Variants in ZNF664 observed in about 807,000 individuals in gnomAD.
The protein encoded by ZNF664 is zinc finger Organ of Corti 1.
Under a neutral mutation model 18.2 loss-of-function variants are expected in ZNF664, and 10 were observed. The ratio of observed to expected loss-of-function variants is 0.55; its 90% CI spans 0.34 to 0.93. ZNF664 has a LOEUF of 0.93. Ranked by LOEUF, ZNF664 falls within the 40% of genes least tolerant of loss-of-function variation. The pLI, the probability that ZNF664 is intolerant of heterozygous loss-of-function variation, is 0.02. For missense variants in ZNF664, 193 were observed against 319.0 expected (o/e 0.61, Z 3.01); for synonymous variants, 119 against 104.2 (o/e 1.14, Z -0.86).
chr12:123,977,640 G>T (rs1409882905), intron 2 of ZNF664, among the ~76,000 whole-genome samples: 1 of 152,092 alleles, frequency 6.6e-6, no homozygotes, highest in Non-Finnish European at 1.5e-5. Context: ...CATCTTCCGG[G>T]CTGTGATGTC....
At chr12:124,011,338 A>G in intron 3 of ZNF664, 43 bp from the exon 4 acceptor site, 1 of 943,476 alleles carries the variant, frequency 1.1e-6, no homozygotes, top group Non-Finnish European at 1.3e-6. Context: ...TATATACTTG[A>G]GCTGTAAACA....
At chr12:124,000,980 A>G (rs1957004878) in intron 3 of ZNF664, among the ~76,000 whole-genome samples, 1 of 152,208 alleles carries the variant, frequency 6.6e-6, no homozygotes, top group Non-Finnish European at 1.5e-5. Context: ...TGTCCTTGAC[A>G]TCGACTTTTG....
At chr12:124,005,100 T>C (rs1002998536) in intron 3 of ZNF664, among the ~76,000 whole-genome samples, 4 of 152,156 alleles carry the variant, frequency 2.6e-5, no homozygotes, top group Non-Finnish European at 4.4e-5. Context: ...GCCAAAAAGG[T>C]TGGGGACCAC....
At chr12:123,995,240 T>A (rs746190077) in intron 3 of ZNF664, among the ~76,000 whole-genome samples, 2 of 151,976 alleles carry the variant, frequency 1.3e-5, no homozygotes, top group Non-Finnish European at 1.5e-5. Flanking sequence ...AAGTAGGCTT[T>A]AAAAAAAATA....
chr12:123,977,654 A>G (rs1594539121), intron 2 of ZNF664, among the ~76,000 whole-genome samples: 3 of 152,144 alleles, frequency 2.0e-5, no homozygotes, highest in Admixed American at 2.0e-4. Flanking sequence ...TGATGTCTGC[A>G]TGTTATGGAG....
intron 2 of ZNF664, among the ~76,000 whole-genome samples, chr12:123,987,754 T>C (rs1386544412): frequency 6.6e-6 from 1 of 152,212 alleles, no homozygotes; most frequent in Admixed American, 6.5e-5. Flanking sequence ...ATTTTGGATC[T>C]GGTTCCCATC....
At chr12:124,004,994 C>T (rs974506047) in intron 3 of ZNF664, 5 of 153,648 alleles carry the variant, frequency 3.3e-5, no homozygotes, top group Non-Finnish European at 5.8e-5. Flanking sequence ...AAATAAAGTG[C>T]ACAATTTAAG....
intron 3 of ZNF664, among the ~76,000 whole-genome samples, chr12:123,988,789 C>A (rs1372701130): frequency 6.6e-6 from 1 of 151,852 alleles, no homozygotes; most frequent in Non-Finnish European, 1.5e-5. Context: ...TTCTTTGGCT[C>A]AACTCAAGAA....
chr12:123,993,328 C>A (rs1956910047), intron 3 of ZNF664, among the ~76,000 whole-genome samples: 1 of 152,198 alleles, frequency 6.6e-6, no homozygotes, highest in Non-Finnish European at 1.5e-5. Context: ...CTGCCTTGGG[C>A]AGCCAGAATC....
chr12:124,011,238 A>G (rs1369909911), intron 3 of ZNF664, 143 bp from the exon 4 acceptor site: 3 of 954,210 alleles, frequency 3.1e-6, no homozygotes, highest in Non-Finnish European at 2.5e-6. Context: ...TCATACTCAC[A>G]TGTAGGTCTT....
chr12:124,004,466 A>G (rs549383141), intron 3 of ZNF664, among the ~76,000 whole-genome samples: 11 of 152,370 alleles, frequency 7.2e-5, no homozygotes, highest in Admixed American at 6.5e-4. Context: ...CTGGACTTGC[A>G]TAGGTTGGTG....
chr12:123,997,063 ATAAAGAT>A (rs1234336491), intron 3 of ZNF664, among the ~76,000 whole-genome samples: 3 of 152,210 alleles, frequency 2.0e-5, no homozygotes, highest in Non-Finnish European at 4.4e-5. Context: ...GAAAGGAAAA[ATAAAGAT>A]TTTCTATGAA....
intron 2 of ZNF664, among the ~76,000 whole-genome samples, chr12:123,980,915 G>A (rs1468222670): frequency 1.3e-5 from 2 of 152,104 alleles, no homozygotes; most frequent in East Asian, 3.9e-4. Context: ...TAGCTACATG[G>A]CAAATAGACA....
intron 3 of ZNF664, among the ~76,000 whole-genome samples, chr12:124,009,644 G>A (rs559974655): frequency 5.9e-5 from 9 of 152,180 alleles, no homozygotes; most frequent in Admixed American, 5.9e-4. Context: ...GACTACGGGT[G>A]TGTGCCACCA....
intron 3 of ZNF664, 104 bp from the exon 4 acceptor site, chr12:124,011,277 T>G: frequency 2.0e-6 from 2 of 985,128 alleles, no homozygotes; most frequent in Non-Finnish European, 2.4e-6. Context: ...CTTTCAATAA[T>G]GTTCCCCTTG....
intron 2 of ZNF664, among the ~76,000 whole-genome samples, chr12:123,978,249 A>T (rs1956719604): frequency 6.6e-6 from 1 of 152,214 alleles, no homozygotes; most frequent in South Asian, 2.1e-4. Flanking sequence ...ATATGCAAAG[A>T]ACTCATCCAA....
Position 124,011,901 on chromosome 12 carries a change from C to G in ZNF664, c.-244C>G. 7 of 1,296,442 alleles carry G rather than the reference C, an allele frequency of 5.4e-6. No homozygotes were observed. Among genetic ancestry groups the G allele is most frequent in the Non-Finnish European group, 6.8e-6 (7 of 1,027,428 alleles). The allele number at this position is 1,296,442 out of a possible 1,614,324, so 80.3% of individuals were successfully genotyped here. ...CTGTGTTAATGAGTTACAGAATTCA[C>G]GTGGAAGTCAATGTCACTTTATAAT... On this transcript the variant is annotated 5_prime_UTR_variant, in exon 5 of 5. Coordinates refer to ENST00000337815, the MANE Select transcript of ZNF664 (RefSeq NM_152437.3).
At position 123,988,128 on chromosome 12, in the gene ZNF664, C is replaced by T; in HGVS notation, c.-671C>T. ...CTGGAATGTCTTGGGGGTTTTGATC[C>T]TGTCACTGTGGTAAGTTTTCCCCTT... On this transcript the variant is annotated 5_prime_UTR_variant, in exon 3 of 5. Coordinates refer to ENST00000337815, the MANE Select transcript of ZNF664 (RefSeq NM_152437.3). 1.6e-6 allele frequency: 2 copies of T among 1,231,522 alleles called. No individual in the cohort carries two copies. The highest frequency in any genetic ancestry group is 2.0e-6 in the Non-Finnish European group (2 of 987,838). 76.3% of individuals were successfully genotyped at this position (1,231,522 alleles called of 1,614,324 possible).
chr12:123,973,795 C>G (rs912901879), intron 1 of ZNF664, 91 bp from the exon 2 acceptor site: 1 of 1,202,932 alleles, frequency 8.3e-7, no homozygotes, highest in Non-Finnish European at 1.0e-6. Flanking sequence ...CCAGGCGGGT[C>G]CCGGGAGAGG....
Sources: gnomAD v4.1 joint callset for allele counts (sites outside exome capture counted in the v4.1 genomes callset) on GRCh38, gnomAD v4.1.1 for gene constraint, MANE v1.5 for transcripts, NCBI Gene and HGNC (gene_info 2026-07-23, HGNC 2026-07-21) for gene names.